Variants in ADCY9 observed in about 807,000 individuals in gnomAD.
The protein encoded by ADCY9 is adenylate cyclase type 9.
A neutral mutation model predicts 101.5 loss-of-function variants in ADCY9; 50 were observed. The observed-to-expected ratio is 0.49, with a 90% CI of 0.39 to 0.62. The LOEUF (loss-of-function observed/expected upper bound fraction) is 0.62, where lower values mean the gene tolerates loss of function less well. Ranked by LOEUF, ADCY9 falls within the 20% of genes least tolerant of loss-of-function variation. ADCY9 has a pLI of 0.00. For synonymous variants in ADCY9, 905 were observed against 769.3 expected (o/e 1.18, Z -2.92); for missense variants, 1,662 against 1,800.4 (o/e 0.92, Z 1.39).
intron 2 of ADCY9, among the ~76,000 whole-genome samples, chr16:4,101,269 T>C (rs1000673725): frequency 6.9e-6 from 1 of 145,300 alleles, no homozygotes; most frequent in African/African-American, 2.6e-5. Flanking sequence ...TAGTACAATA[T>C]TTGTTCAGGT....
chr16:4,020,131 G>C (rs928615966), intron 2 of ADCY9, among the ~76,000 whole-genome samples: 1 of 152,132 alleles, frequency 6.6e-6, no homozygotes, highest in Non-Finnish European at 1.5e-5. Context: ...CGTGATGATG[G>C]GTACATCCTG....
At position 3,992,385 on chromosome 16, in the gene ADCY9, G is replaced by A. The variant is rs773676968; in HGVS notation, c.1990-22C>T. On this transcript the variant is annotated intron_variant, in intron 4 of 10. Transcript: ENST00000294016. This position sits in a 1 kb window ranked among gnomAD's most constrained non-coding sequence, Gnocchi z 4.2. ...AAGCCTGCCTCGAGACAAAGAGGAC[G>A]CAGACACGGGAAGTGAAGTGGCACC... The A allele has an allele frequency of 1.1e-5, 18 of 1,608,008 alleles. No individual in the cohort carries two copies. Among genetic ancestry groups the A allele is most frequent in the South Asian group, 6.6e-5 (6 of 90,742 alleles).
At chr16:4,041,700 G>T (rs1032901707) in intron 2 of ADCY9, among the ~76,000 whole-genome samples, 15 of 150,646 alleles carry the variant, frequency 1.0e-4, no homozygotes, top group African/African-American at 3.2e-4. Flanking sequence ...AAAAGAAAAA[G>T]TTGATGATTC....
intron 2 of ADCY9, among the ~76,000 whole-genome samples, chr16:4,109,418 C>A (rs1389823272): frequency 6.6e-6 from 1 of 152,172 alleles, no homozygotes; most frequent in East Asian, 1.9e-4. Context: ...GGCTGTATTG[C>A]CAGAACCCAG....
chr16:3,965,582 A>T lies in ADCY9; in HGVS notation c.*193T>A. On this transcript the variant is annotated 3_prime_UTR_variant, in exon 11 of 11. Coordinates refer to ENST00000294016, the MANE Select transcript of ADCY9 (RefSeq NM_001116.4). ...CCAGAGGCAGCGGGGTTTCCAGGGA[A>T]GGGAGCGAAAGGGAAGAATGGATGA... The T allele has an allele frequency of 1.6e-6, 1 of 611,982 alleles. No homozygotes were observed. The allele number at this position is 611,982 out of a possible 1,614,324, so 37.9% of individuals were successfully genotyped here. A position where few individuals can be genotyped will look rare whatever the true frequency, so the allele number is the denominator to read the frequency against.
At position 3,962,742 on chromosome 16, in the gene ADCY9, G is replaced by T. The variant is rs1161073965; in HGVS notation, c.*3033C>A. On this transcript the variant is annotated 3_prime_UTR_variant, in exon 11 of 11. Transcript: ENST00000294016. ...AACAATTTAAAAAGAGCAGATAAAA[G>T]GATATATGGAAAATGCAAACAGTCG... 2 of 152,218 alleles carry T rather than the reference G, an allele frequency of 1.3e-5. No individual in the cohort carries two copies. Among genetic ancestry groups the T allele is most frequent in the African/African-American group, 2.4e-5 (1 of 41,404 alleles). 9.4% of individuals were successfully genotyped at this position (152,218 alleles called of 1,614,324 possible). A position where few individuals can be genotyped will look rare whatever the true frequency, so the allele number is the denominator to read the frequency against.
At chr16:4,112,512 C>T (rs2057120203) in intron 2 of ADCY9, among the ~76,000 whole-genome samples, 1 of 152,110 alleles carries the variant, frequency 6.6e-6, no homozygotes, top group Admixed American at 6.6e-5. Flanking sequence ...CACCAACGAC[C>T]TATGCAGGCC....
chr16:3,968,686 A>C (rs2056020790), intron 10 of ADCY9, among the ~76,000 whole-genome samples: 1 of 152,056 alleles, frequency 6.6e-6, no homozygotes, highest in East Asian at 1.9e-4. Flanking sequence ...ACTGGGCCCG[A>C]GTCTGTCTTT....
intron 5 of ADCY9, among the ~76,000 whole-genome samples, chr16:3,991,578 T>C (rs760115270): frequency 4.0e-5 from 6 of 151,836 alleles, no homozygotes; most frequent in Non-Finnish European, 7.4e-5. Flanking sequence ...CTGGCCAACA[T>C]GTTAAAAACC....
intron 2 of ADCY9, among the ~76,000 whole-genome samples, chr16:4,104,489 G>A (rs1413875843): frequency 6.6e-6 from 1 of 152,144 alleles, no homozygotes; most frequent in African/African-American, 2.4e-5. Context: ...GTGCATGCCT[G>A]TAGTCCCAGC....
intron 5 of ADCY9, among the ~76,000 whole-genome samples, chr16:3,956,699 T>A (rs1327862818): frequency 3.3e-5 from 5 of 151,528 alleles, no homozygotes; most frequent in Admixed American, 2.0e-4. Context: ...TTCACCATGT[T>A]GGCCAGGCTG....
In ADCY9 at chr16:4,033,943, G is replaced by A. The variant is rs1460334781; in HGVS notation, c.1694-26385C>T. 2.6e-5 allele frequency among the ~76,000 whole-genome samples: 4 copies of A among 152,256 alleles called. No homozygotes were observed. The East Asian group carries it at 7.7e-4, about 29-fold the overall frequency. ...CTGGCACATATTAGCACCGATGCTG[G>A]CCTGTTCAAAAATTCTATTATTATT... On this transcript the variant is annotated intron_variant, in intron 2 of 10. Coordinates refer to ENST00000294016, the MANE Select transcript of ADCY9 (RefSeq NM_001116.4).
At chr16:3,958,336 G>A (rs1375836137), downstream of ADCY9, among the ~76,000 whole-genome samples, 1 of 152,098 alleles carries the variant, frequency 6.6e-6, no homozygotes, top group Admixed American at 6.5e-5. Context: ...GAGATCAGGA[G>A]TTCAAGACCA....
downstream of ADCY9, among the ~76,000 whole-genome samples, chr16:3,961,763 T>C (rs143430214): frequency 0.029 from 4,487 of 152,210 alleles, 215 homozygotes; most frequent in African/African-American, 0.1. Context: ...CAGTGGCTCA[T>C]GCCTGTAATC....
chr16:3,999,698 A>C (rs545106725), intron 3 of ADCY9, among the ~76,000 whole-genome samples: 22 of 152,338 alleles, frequency 1.4e-4, no homozygotes, highest in Non-Finnish European at 2.9e-4. Context: ...TCCCTGGAGA[A>C]CGCCCAAGAG....
intron 2 of ADCY9, among the ~76,000 whole-genome samples, chr16:4,098,283 C>T (rs2057021199): frequency 6.6e-6 from 1 of 151,852 alleles, no homozygotes; most frequent in Non-Finnish European, 1.5e-5. Flanking sequence ...CTCTGTCACC[C>T]AGGCTGGAAT....
At chr16:3,980,985 T>C (rs1269910205) in intron 7 of ADCY9, among the ~76,000 whole-genome samples, 1 of 152,178 alleles carries the variant, frequency 6.6e-6, no homozygotes, top group Non-Finnish European at 1.5e-5. Context: ...AGGAGGCGCC[T>C]GGCTTTCCTC....
chr16:4,080,175 C>T (rs1567139979), intron 2 of ADCY9, among the ~76,000 whole-genome samples: 1 of 152,060 alleles, frequency 6.6e-6, no homozygotes, highest in Non-Finnish European at 1.5e-5. Flanking sequence ...TGACCAACAT[C>T]AATTTTAACA....
At chr16:4,009,499 C>T (rs539815610) in intron 2 of ADCY9, among the ~76,000 whole-genome samples, 48 of 152,274 alleles carry the variant, frequency 3.2e-4, no homozygotes, top group Admixed American at 9.2e-4. Context: ...TCAAGTGATC[C>T]GCCCATCTTG....
Sources: gnomAD v4.1 joint callset for allele counts (sites outside exome capture counted in the v4.1 genomes callset) on GRCh38, gnomAD v4.1.1 for gene constraint, Gnocchi (gnomAD v3.1) non-coding constraint, MANE v1.5 for transcripts, NCBI Gene and HGNC (gene_info 2026-07-23, HGNC 2026-07-21) for gene names.